Variants in RPS6KA6 observed in about 807,000 individuals in gnomAD.
RPS6KA6 encodes ribosomal protein S6 kinase A6, also known as ribosomal protein S6 kinase alpha-6.
In RPS6KA6, 27 loss-of-function variants were observed where a neutral mutation model predicts 65.4. That is an observed-to-expected ratio of 0.41 (90% CI 0.30 to 0.57). The LOEUF (loss-of-function observed/expected upper bound fraction) is 0.57, where lower values mean the gene tolerates loss of function less well. Ranked by LOEUF, RPS6KA6 falls within the 20% of genes least tolerant of loss-of-function variation. The pLI is 0.24. For missense variants in RPS6KA6, 486 were observed against 555.6 expected, an observed-to-expected ratio of 0.87 and a Z score of 1.26; for synonymous variants, 190 against 184.2, an observed-to-expected ratio of 1.03 and a Z score of -0.26.
chrX:84,169,778 T>C lies in RPS6KA6; in HGVS notation c.82-5391A>G, dbSNP rs1012771557. Among the ~76,000 whole-genome samples, 4 of 111,469 alleles carry C rather than the reference T, an allele frequency of 3.6e-5. No homozygotes were observed. In the Admixed American group the frequency reaches 3.8e-4, roughly 11 times the overall value. ...TGAGAATAAATATGGGTGATGCAAA[T>C]GATTAACAAAACATACACAGGACAG... On this transcript the variant is annotated intron_variant, in intron 1 of 21. Transcript: ENST00000262752.
At position 84,062,941 on chromosome X, in the gene RPS6KA6, A is replaced by AGTG. The variant is rs1483122549; in HGVS notation, c.*1335_*1336insCAC. ...CAGTAGTAGTAGTAGTAGTAGTAGTAGTAGTAGTAGTAGCAGTAGTAGCTG... is the reference window on the plus strand; with the variant it reads ...CAGTAGTAGTAGTAGTAGTAGTAGTAGTGGTAGTAGTAGTAGCAGTAGTAGCTG... On this transcript the variant is annotated 3_prime_UTR_variant, in exon 22 of 22. Transcript: ENST00000262752. 16 of 108,511 alleles carry AGTG rather than the reference A, an allele frequency of 1.5e-4. No individual in the cohort carries two copies. Among genetic ancestry groups the AGTG allele is most frequent in the African/African-American group, 5.3e-4 (16 of 30,153 alleles). The allele number at this position is 108,511 out of a possible 1,213,427, so 8.9% of individuals were successfully genotyped here.
intron 20 of RPS6KA6, among the ~76,000 whole-genome samples, chrX:84,080,197 T>A (rs1390982456): frequency 2.9e-5 from 3 of 104,372 alleles, no homozygotes. Flanking sequence ...ATCTTTGCTG[T>A]TCTGCAGCCT....
At chrX:84,087,027 T>C (rs2033937878) in intron 20 of RPS6KA6, among the ~76,000 whole-genome samples, 1 of 111,623 alleles carries the variant, frequency 9.0e-6, no homozygotes, top group Non-Finnish European at 1.9e-5. Context: ...TCCATCCTTT[T>C]ATTCTGCGTC....
intron 20 of RPS6KA6, among the ~76,000 whole-genome samples, chrX:84,076,034 ATAT>A (rs2033657539): frequency 8.9e-6 from 1 of 112,052 alleles, no homozygotes; most frequent in Admixed American, 9.5e-5. Flanking sequence ...TAGTGAGAAA[ATAT>A]TATAAGAAAA....
intron 6 of RPS6KA6, among the ~76,000 whole-genome samples, chrX:84,138,236 G>C (rs1160622756): frequency 3.6e-5 from 4 of 111,561 alleles, no homozygotes; most frequent in Non-Finnish European, 7.5e-5. Context: ...GGGCTATACA[G>C]TATGTTTCCA....
intron 3 of RPS6KA6, among the ~76,000 whole-genome samples, chrX:84,150,990 G>A (rs893718361): frequency 8.1e-5 from 7 of 86,869 alleles, no homozygotes; most frequent in Admixed American, 1.5e-4. Flanking sequence ...TATATATATA[G>A]AGGATATATA....
intron 1 of RPS6KA6, among the ~76,000 whole-genome samples, chrX:84,169,098 T>G (rs1187903833): frequency 3.6e-5 from 4 of 112,102 alleles, no homozygotes; most frequent in Non-Finnish European, 5.6e-5. Flanking sequence ...CTTTCCCCAA[T>G]TAAGTGCCAA....
intron 2 of RPS6KA6, among the ~76,000 whole-genome samples, chrX:84,157,010 A>T (rs1229030082): frequency 8.9e-6 from 1 of 112,331 alleles, no homozygotes; most frequent in Non-Finnish European, 1.9e-5. Context: ...TGACTACTTA[A>T]TCACAATGTC....
At chrX:84,155,577 A>G (rs2035402473) in intron 3 of RPS6KA6, among the ~76,000 whole-genome samples, 1 of 112,184 alleles carries the variant, frequency 8.9e-6, no homozygotes, top group African/African-American at 3.2e-5. Context: ...GAAGACTTAA[A>G]TAAACCACAT....
chrX:84,132,914 GA>G (rs66529748), intron 8 of RPS6KA6, among the ~76,000 whole-genome samples: 5,552 of 98,534 alleles, frequency 0.056, 196 homozygotes, highest in East Asian at 0.21. Flanking sequence ...GTGGACTAGT[GA>G]AAAAAAAAAA....
intron 20 of RPS6KA6, among the ~76,000 whole-genome samples, chrX:84,082,984 C>T (rs1300666177): frequency 2.7e-5 from 3 of 111,893 alleles, no homozygotes; most frequent in Non-Finnish European, 3.8e-5. Flanking sequence ...AACCTAAAAC[C>T]ATAAAAACCC....
chrX:84,185,945 T>G (rs1310655241), intron 1 of RPS6KA6: 3 of 463,907 alleles, frequency 6.5e-6, no homozygotes, highest in African/African-American at 4.8e-5. Context: ...TCTGTTCAAA[T>G]GTAGCATTTA....
At chrX:84,072,994 A>G (rs192001306) in intron 20 of RPS6KA6, among the ~76,000 whole-genome samples, 1 of 111,916 alleles carries the variant, frequency 8.9e-6, no homozygotes, top group East Asian at 2.8e-4. Context: ...ATCTCTATCA[A>G]GGTATCAATG....
At chrX:84,135,255 T>TC (rs1363235858) in intron 6 of RPS6KA6, 45 bp from the exon 7 acceptor site, 1 of 876,079 alleles carries the variant, frequency 1.1e-6, no homozygotes, top group Admixed American at 2.6e-5. Flanking sequence ...CTTTCAATAT[T>TC]CAGTATATTT....
At chrX:84,145,326 C>T in intron 6 of RPS6KA6, 152 bp downstream of exon 6, 1 of 381,401 alleles carries the variant, frequency 2.6e-6, no homozygotes, top group Non-Finnish European at 4.5e-6. Flanking sequence ...ATAGAAAATG[C>T]CATTAACAGG....
chrX:84,073,790 T>G (rs1344966211), intron 20 of RPS6KA6, among the ~76,000 whole-genome samples: 6 of 110,077 alleles, frequency 5.5e-5, no homozygotes, highest in Non-Finnish European at 9.5e-5. Context: ...ATGCTCAATA[T>G]CACTAATTAT....
At chrX:84,145,961 T>G (rs1365458685) in intron 5 of RPS6KA6, among the ~76,000 whole-genome samples, 1 of 111,653 alleles carries the variant, frequency 9.0e-6, no homozygotes, top group Non-Finnish European at 1.9e-5. Flanking sequence ...AACCTCTTCT[T>G]TATTGAAATT....
At chrX:84,114,853 TGAG>T (rs1196158623) in intron 12 of RPS6KA6, among the ~76,000 whole-genome samples, 2 of 111,590 alleles carry the variant, frequency 1.8e-5, no homozygotes, top group Non-Finnish European at 3.8e-5. Context: ...CAATAAACAA[TGAG>T]GAGAGAACAC....
intron 20 of RPS6KA6, among the ~76,000 whole-genome samples, chrX:84,092,749 A>C (rs1438808156): frequency 1.8e-5 from 2 of 111,907 alleles, no homozygotes; most frequent in Non-Finnish European, 3.8e-5. Context: ...GTGAGAATGC[A>C]AATTAGCACA....
Sources: gnomAD v4.1 joint callset for allele counts (sites outside exome capture counted in the v4.1 genomes callset) on GRCh38, gnomAD v4.1.1 for gene constraint, MANE v1.5 for transcripts, NCBI Gene and HGNC (gene_info 2026-07-23, HGNC 2026-07-21) for gene names.